AQR: variants seen among roughly 807,000 people sequenced by gnomAD.
The protein encoded by AQR is RNA helicase aquarius.
AQR carries 61 observed loss-of-function variants against 180.5 expected under a neutral mutation model. The observed-to-expected ratio is 0.34, with a 90% confidence interval of 0.28 to 0.42. AQR has a LOEUF of 0.42. AQR is among the 10% of genes least tolerant of loss of function. The pLI is 1.00. For synonymous variants in AQR, 551 were observed against 588.8 expected (o/e 0.94, Z 0.93); for missense variants, 1,281 against 1,798.3 (o/e 0.71, Z 5.20).
intron 1 of AQR, among the ~76,000 whole-genome samples, chr15:34,969,324 T>TC (rs773185334): frequency 6.6e-6 from 1 of 152,036 alleles, no homozygotes; most frequent in Non-Finnish European, 1.5e-5. Context: ...GGCCATGAAC[T>TC]CCCCAGGGCA....
At chr15:34,935,732 G>A (rs1893934253) in intron 9 of AQR, among the ~76,000 whole-genome samples, 1 of 152,162 alleles carries the variant, frequency 6.6e-6, no homozygotes, top group African/African-American at 2.4e-5. Context: ...CATGATCAGA[G>A]AAAATGACCT....
intron 12 of AQR, among the ~76,000 whole-genome samples, chr15:34,927,937 G>A (rs1357946889): frequency 6.6e-6 from 1 of 152,202 alleles, no homozygotes; most frequent in Non-Finnish European, 1.5e-5. Flanking sequence ...GAGAATGCTA[G>A]CAGCATCAAG....
chr15:34,900,583 C>A, intron 20 of AQR, 39 bp downstream of exon 20: 1 of 1,590,970 alleles, frequency 6.3e-7, no homozygotes. Context: ...ACATTGACTA[C>A]AGAATGCTGG....
chr15:34,960,653 T>A (rs1367839891), intron 3 of AQR, 121 bp downstream of exon 3: 1 of 510,594 alleles, frequency 2.0e-6, no homozygotes, highest in Non-Finnish European at 3.5e-6. Flanking sequence ...TAGTCACCAT[T>A]GCCCTGACGA....
At chr15:34,885,734 A>G (rs925016581) in intron 25 of AQR, among the ~76,000 whole-genome samples, 1 of 152,188 alleles carries the variant, frequency 6.6e-6, no homozygotes, top group African/African-American at 2.4e-5. Flanking sequence ...AATGTAGACT[A>G]TATTATGTAT....
Position 34,907,303 on chromosome 15 carries a change from T to A in AQR, c.1664-591A>T, listed in dbSNP as rs75219844. Among the ~76,000 whole-genome samples, 401 of 152,352 alleles carry A rather than the reference T, an allele frequency of 2.6e-3. 2 individuals carry two copies. The highest frequency in any genetic ancestry group is 9.0e-3 in the African/African-American group (373 of 41,582). The stretch of plus-strand genomic sequence containing the variant: ...AGTGAATGTCAAGAAAAAGGAGACT[T>A]GTGCCAGAGTCCACAGCTTCTTGGT... On this transcript the variant is annotated intron_variant, in intron 17 of 34. Coordinates refer to ENST00000156471, the MANE Select transcript of AQR (RefSeq NM_014691.3).
At chr15:34,893,485 G>T (rs942028984) in intron 23 of AQR, among the ~76,000 whole-genome samples, 178 bp downstream of exon 23, 11 of 152,148 alleles carry the variant, frequency 7.2e-5, no homozygotes, top group African/African-American at 2.4e-4. Context: ...AGGTAGGCCA[G>T]GCTCAGAAAA....
At chr15:34,861,157 A>G (rs976399468) in intron 33 of AQR, among the ~76,000 whole-genome samples, 1 of 152,260 alleles carries the variant, frequency 6.6e-6, no homozygotes, top group Non-Finnish European at 1.5e-5. Context: ...GTGAAAAGTT[A>G]TTTAAAGAGC....
At chr15:34,884,243 C>T (rs1417366799) in intron 26 of AQR, among the ~76,000 whole-genome samples, 3 of 151,850 alleles carry the variant, frequency 2.0e-5, no homozygotes, top group Admixed American at 1.3e-4. Context: ...CCTGTCTCTA[C>T]TAAAAATACA....
At chr15:34,895,172 AAAAAAAAAAAAAAAAATATATATAT>A (rs1472045153) in intron 22 of AQR, among the ~76,000 whole-genome samples, 1 of 49,162 alleles carries the variant, frequency 2.0e-5, no homozygotes, top group African/African-American at 5.9e-5. Flanking sequence ...AAAAAAAAAA[AAAAAAAAAAAAAAAAATATATATAT>A]ATATATATAT....
chr15:34,954,514 C>A (rs1366285150), intron 3 of AQR, among the ~76,000 whole-genome samples: 2 of 151,922 alleles, frequency 1.3e-5, no homozygotes, highest in African/African-American at 4.8e-5. Context: ...ACTATGTTGC[C>A]CAGACTGGTT....
intron 22 of AQR, among the ~76,000 whole-genome samples, chr15:34,894,492 GGTTTTT>G (rs1268875815): frequency 2.0e-5 from 3 of 151,902 alleles, no homozygotes; most frequent in East Asian, 3.9e-4. Context: ...TATAAAAAGT[GGTTTTT>G]GTTTTTGTTT....
chr15:34,937,579 C>G (rs907696268), intron 9 of AQR, among the ~76,000 whole-genome samples: 16 of 152,016 alleles, frequency 1.1e-4, no homozygotes, highest in Non-Finnish European at 2.2e-4. Flanking sequence ...AGATTATATT[C>G]CACTTAAAAA....
Position 34,941,908 on chromosome 15 carries a change from G to A in AQR, c.540+104C>T, listed in dbSNP as rs80253046. On this transcript the variant is annotated intron_variant, in intron 7 of 34. Coordinates refer to ENST00000156471, the MANE Select transcript of AQR (RefSeq NM_014691.3). ...GCAAAGTGGCTTTTCTAAGAAAAGGGGTATTTAGCTACCACTTGTATATCC... is the reference window on the plus strand; with the variant it reads ...GCAAAGTGGCTTTTCTAAGAAAAGGAGTATTTAGCTACCACTTGTATATCC... 6.5e-3 allele frequency: 4,946 copies of A among 758,518 alleles called. 101 individuals carry two copies. The highest frequency in any genetic ancestry group is 0.058 in the African/African-American group (3,234 of 55,732). 47.0% of individuals were successfully genotyped at this position (758,518 alleles called of 1,614,324 possible).
chr15:34,924,899 C>T (rs17415658), intron 13 of AQR, among the ~76,000 whole-genome samples: 17,003 of 137,246 alleles, frequency 0.12, 1,113 homozygotes, highest in Middle Eastern at 0.2. Flanking sequence ...CCCAGATGAA[C>T]TATGCAGCTA....
At chr15:34,863,244 G>A (rs186677888) in intron 32 of AQR, 1 of 476,042 alleles carries the variant, frequency 2.1e-6, no homozygotes, top group Admixed American at 3.6e-5. Flanking sequence ...CTAACCTCTT[G>A]TTGGTTTTTT....
At chr15:34,906,237 C>T (rs1595792950) in intron 18 of AQR, among the ~76,000 whole-genome samples, 1 of 151,754 alleles carries the variant, frequency 6.6e-6, no homozygotes, top group Non-Finnish European at 1.5e-5. Flanking sequence ...CGGGCATGGT[C>T]GCACGTGCCT....
At chr15:34,880,635 C>A (rs1289396696) in intron 27 of AQR, among the ~76,000 whole-genome samples, 1 of 152,116 alleles carries the variant, frequency 6.6e-6, no homozygotes, top group Non-Finnish European at 1.5e-5. Context: ...TGAAAGTGTT[C>A]ATGTGTTAAT....
At chr15:34,946,133 T>A (rs1894109455) in intron 5 of AQR, among the ~76,000 whole-genome samples, 1 of 152,090 alleles carries the variant, frequency 6.6e-6, no homozygotes, top group South Asian at 2.1e-4. Flanking sequence ...TAGCTGGGCA[T>A]GGTGGCGGGC....
Sources: allele counts gnomAD v4.1 joint callset (sites outside exome capture counted in the v4.1 genomes callset), GRCh38; gene constraint gnomAD v4.1.1; transcripts MANE v1.5; gene names NCBI Gene and HGNC (gene_info 2026-07-23, HGNC 2026-07-21).